Variants in NRG1 observed in about 807,000 individuals in gnomAD.
NRG1 encodes pro-neuregulin-1, membrane-bound isoform.
A neutral mutation model predicts 63.8 loss-of-function variants in NRG1; 18 were observed. That is an observed-to-expected ratio of 0.28 (90% CI 0.19 to 0.42). NRG1 has a LOEUF of 0.42. Among genes scored for constraint, NRG1 ranks in the 10% least tolerant of loss-of-function variants. NRG1 has a pLI of 1.00. For missense variants in NRG1, 762 were observed against 814.7 expected (o/e 0.94, Z 0.79); for synonymous variants, 302 against 301.3 (o/e 1.00, Z -0.02).
intron 1 of NRG1, among the ~76,000 whole-genome samples, chr8:31,654,935 G>C (rs925560486): frequency 1.1e-4 from 17 of 152,052 alleles, no homozygotes; most frequent in African/African-American, 3.9e-4. Flanking sequence ...AATAAGACCT[G>C]TCTTTAAAAA....
intron 1 of NRG1, among the ~76,000 whole-genome samples, chr8:31,694,336 T>A (rs1327139455): frequency 3.3e-5 from 5 of 152,374 alleles, no homozygotes; most frequent in African/African-American, 1.2e-4. Context: ...GACTTTGATC[T>A]CAGCCCTTCT....
intron 1 of NRG1, among the ~76,000 whole-genome samples, chr8:32,263,217 C>G (rs1432484893): frequency 5.3e-5 from 8 of 152,110 alleles, no homozygotes; most frequent in Admixed American, 2.0e-4. Flanking sequence ...CTATGCTATC[C>G]CCTATGTGCT....
At chr8:31,647,225 T>G (rs1804374123) in intron 1 of NRG1, among the ~76,000 whole-genome samples, 1 of 152,228 alleles carries the variant, frequency 6.6e-6, no homozygotes, top group African/African-American at 2.4e-5. Flanking sequence ...TTCTCATAAC[T>G]GAAGATGGAA....
intron 1 of NRG1, among the ~76,000 whole-genome samples, chr8:32,498,256 A>G (rs1827451331): frequency 6.6e-6 from 1 of 152,198 alleles, no homozygotes. Context: ...TGAGTGGCGA[A>G]TTGTGGAGAA....
At chr8:32,768,219 C>T (rs535134604), downstream of NRG1, among the ~76,000 whole-genome samples, 1 of 152,296 alleles carries the variant, frequency 6.6e-6, no homozygotes, top group South Asian at 2.1e-4. Context: ...CTTTTTCCTC[C>T]ATACACAATA....
In NRG1 at chr8:32,742,621, C is replaced by G; in HGVS notation, c.633-54C>G. 2 of 1,522,310 alleles carry G rather than the reference C, an allele frequency of 1.3e-6. No individual in the cohort carries two copies. Among genetic ancestry groups the G allele is most frequent in the African/African-American group, 1.4e-5 (1 of 72,986 alleles). The allele number at this position is 1,522,310 out of a possible 1,614,324, so 94.3% of individuals were successfully genotyped here. On this transcript the variant is annotated intron_variant, in intron 6 of 11. Transcript: ENST00000356819. This position sits in a 1 kb window ranked among gnomAD's most constrained non-coding sequence, Gnocchi z 4.2. The stretch of plus-strand genomic sequence containing the variant: ...GGAGCTTCTTTCTAGCATATATTCA[C>G]CTCTTCTCTTTTTCTCTGTTTTTCT...
At chr8:31,884,814 A>G (rs1017929255) in intron 1 of NRG1, among the ~76,000 whole-genome samples, 14 of 152,134 alleles carry the variant, frequency 9.2e-5, no homozygotes, top group African/African-American at 1.7e-4. Flanking sequence ...ATTGTGCTAG[A>G]AAAGTTAATG....
chr8:32,290,592 G>T (rs762956879), intron 1 of NRG1, among the ~76,000 whole-genome samples: 8 of 152,038 alleles, frequency 5.3e-5, no homozygotes, highest in Non-Finnish European at 5.9e-5. Flanking sequence ...ACTGTGCCCT[G>T]TTACAGTGGC....
chr8:32,604,918 T>G (rs928822839), intron 2 of NRG1, among the ~76,000 whole-genome samples: 17 of 152,208 alleles, frequency 1.1e-4, no homozygotes, highest in Admixed American at 8.5e-4. Flanking sequence ...CAGAGTTTTA[T>G]AAAACTATGT....
intron 1 of NRG1, among the ~76,000 whole-genome samples, chr8:32,238,890 A>G (rs191096207): frequency 1.3e-5 from 2 of 152,302 alleles, no homozygotes; most frequent in East Asian, 1.9e-4. Flanking sequence ...ATGTGCCTGA[A>G]TTGAACAGGG....
At chr8:31,776,792 G>T (rs1252114551) in intron 1 of NRG1, among the ~76,000 whole-genome samples, 1 of 151,936 alleles carries the variant, frequency 6.6e-6, no homozygotes, top group South Asian at 2.1e-4. Context: ...TGCGGTGTTT[G>T]GTTTTTTGTC....
At chr8:32,673,168 C>T (rs1274208187) in intron 5 of NRG1, among the ~76,000 whole-genome samples, 1 of 152,150 alleles carries the variant, frequency 6.6e-6, no homozygotes, top group Non-Finnish European at 1.5e-5. Flanking sequence ...AGCAACTGAG[C>T]AAATACCGCT....
intron 1 of NRG1, among the ~76,000 whole-genome samples, chr8:32,381,611 T>C (rs1268671438): frequency 6.6e-6 from 1 of 152,192 alleles, no homozygotes; most frequent in South Asian, 2.1e-4. Context: ...GGGACCAAAT[T>C]ACCTTTTAAA....
intron 1 of NRG1, among the ~76,000 whole-genome samples, chr8:32,516,364 T>A (rs980128252): frequency 1.3e-5 from 2 of 152,214 alleles, no homozygotes; most frequent in African/African-American, 4.8e-5. Flanking sequence ...AGTGATATGA[T>A]GCCTCTGGCT....
intron 1 of NRG1, among the ~76,000 whole-genome samples, chr8:32,405,268 C>T (rs1050005631): frequency 6.6e-6 from 1 of 152,224 alleles, no homozygotes; most frequent in African/African-American, 2.4e-5. Context: ...GTCCATTTCA[C>T]TCCTCACTCT....
At chr8:32,269,270 G>A (rs1022126703) in intron 1 of NRG1, among the ~76,000 whole-genome samples, 1 of 152,188 alleles carries the variant, frequency 6.6e-6, no homozygotes, top group Non-Finnish European at 1.5e-5. Context: ...GAAATAAAGT[G>A]AAGGAGGGTA....
intron 1 of NRG1, among the ~76,000 whole-genome samples, chr8:32,481,587 G>T (rs115432757): frequency 0.014 from 2,189 of 152,334 alleles, 28 homozygotes; most frequent in Middle Eastern, 0.044. Context: ...TGGTCAAACT[G>T]CATGAGTTCA....
intron 1 of NRG1, among the ~76,000 whole-genome samples, chr8:32,020,390 C>A (rs1319606306): frequency 6.6e-6 from 1 of 152,068 alleles, no homozygotes; most frequent in Non-Finnish European, 1.5e-5. Flanking sequence ...GTCATTGTTT[C>A]TTTAGTATTG....
intron 5 of NRG1, among the ~76,000 whole-genome samples, chr8:32,622,088 G>A (rs186982897): frequency 6.6e-6 from 1 of 152,256 alleles, no homozygotes; most frequent in Non-Finnish European, 1.5e-5. Context: ...ATGCTGAGTG[G>A]ACTCATGCTC....
Sources: allele counts gnomAD v4.1 joint callset (sites outside exome capture counted in the v4.1 genomes callset), GRCh38; gene constraint gnomAD v4.1.1; non-coding constraint Gnocchi (gnomAD v3.1); transcripts MANE v1.5; gene names NCBI Gene and HGNC (gene_info 2026-07-23, HGNC 2026-07-21).